The following ELF5 variants were observed in gnomAD, a reference collection of about 807,000 sequenced individuals.
The protein encoded by ELF5 is E74 like ETS transcription factor 5, also known as ETS-related transcription factor Elf-5.
Under a neutral mutation model 38.2 loss-of-function variants are expected in ELF5, and 31 were observed. The observed-to-expected ratio is 0.81, with a 90% CI of 0.61 to 1.10. The LOEUF (loss-of-function observed/expected upper bound fraction) is 1.10. Among genes scored for constraint, ELF5 ranks in the 50% least tolerant of loss-of-function variants. The pLI is 0.00. For synonymous variants in ELF5, 121 were observed against 112.5 expected, an observed-to-expected ratio of 1.08 and a Z score of -0.48; for missense variants, 300 against 306.6, an observed-to-expected ratio of 0.98 and a Z score of 0.16.
chr11:34,503,493 G>A (rs1398400381), intron 2 of ELF5, among the ~76,000 whole-genome samples: 1 of 150,688 alleles, frequency 6.6e-6, no homozygotes, highest in Non-Finnish European at 1.5e-5. Context: ...CTGTCGCTCA[G>A]GCTGGAGTGC....
At chr11:34,498,307 G>A (rs1381932355) in intron 2 of ELF5, among the ~76,000 whole-genome samples, 1 of 152,092 alleles carries the variant, frequency 6.6e-6, no homozygotes, top group Non-Finnish European at 1.5e-5. Context: ...TACCTCCTGG[G>A]CTTCCCGTGT....
At chr11:34,484,481 A>ATCCTATCCTATCCTATCCTATCCTAT (rs111444312) in intron 4 of ELF5, among the ~76,000 whole-genome samples, 4 of 115,922 alleles carry the variant, frequency 3.5e-5, no homozygotes, top group East Asian at 4.9e-4. Context: ...ACACTATACT[A>ATCCTATCCTATCCTATCCTATCCTAT]ACTATACTAT....
At chr11:34,511,547 T>C in intron 1 of ELF5, 2 of 1,614,130 alleles carry the variant, frequency 1.2e-6, no homozygotes, top group Non-Finnish European at 1.7e-6. Context: ...CAGGTACCTG[T>C]GGGAGTGAGG....
intron 2 of ELF5, 49 bp downstream of exon 2, chr11:34,505,580 C>T (rs1472617573): frequency 1.9e-6 from 3 of 1,609,616 alleles, no homozygotes; most frequent in Non-Finnish European, 1.7e-6. Flanking sequence ...CACCTCCTGC[C>T]CTAGCCCATC....
chr11:34,511,638 T>G, intron 1 of ELF5: 2 of 1,601,150 alleles, frequency 1.2e-6, no homozygotes, highest in Non-Finnish European at 1.7e-6. Flanking sequence ...ACACACCAAA[T>G]GCACACAGAG....
intron 2 of ELF5, among the ~76,000 whole-genome samples, chr11:34,502,633 G>A (rs574493336): frequency 6.6e-6 from 1 of 152,372 alleles, no homozygotes; most frequent in South Asian, 2.1e-4. Context: ...ACCTTTTGGA[G>A]GTCAGTGATA....
intron 1 of ELF5, chr11:34,511,888 C>A: frequency 2.7e-6 from 1 of 376,682 alleles, no homozygotes; most frequent in Non-Finnish European, 4.9e-6. Flanking sequence ...AAAATTGGCC[C>A]AATTAAGCAT....
Position 34,501,466 on chromosome 11 carries a change from T to C in ELF5, c.121+4163A>G, listed in dbSNP as rs1012695456. On this transcript the variant is annotated intron_variant, in intron 2 of 6. Coordinates refer to ENST00000257832, the MANE Select transcript of ELF5 (RefSeq NM_001422.4). ...TAAGGAAAGAATTCCAGAAAGAAAG[T>C]AGTGGCAAGGCCAGGGTACTCAATG... is the stretch of plus-strand genomic sequence containing the variant. Among the ~76,000 whole-genome samples the C allele has an allele frequency of 3.9e-5, 6 of 152,100 alleles. No homozygotes were observed. The South Asian group carries it at 1.2e-3, about 32-fold the overall frequency.
intron 4 of ELF5, among the ~76,000 whole-genome samples, chr11:34,488,134 C>T (rs1407273776): frequency 6.6e-6 from 1 of 152,096 alleles, no homozygotes; most frequent in East Asian, 1.9e-4. Context: ...TGATCTTTCC[C>T]TTTATAATAT....
chr11:34,499,318 C>T lies in ELF5; in HGVS notation c.122-5606G>A, dbSNP rs1227183160. On this transcript the variant is annotated intron_variant, in intron 2 of 6. Transcript: ENST00000257832. ...GTGCAGTTGCTCGAACATGGCTCAC[C>T]GCAGGCTCACCCTCCTGGGCTCAAG... Among the ~76,000 whole-genome samples the T allele has an allele frequency of 5.9e-5, 9 of 152,060 alleles. No individual in the cohort carries two copies. The East Asian group carries it at 7.7e-4, about 13-fold the overall frequency.
chr11:34,487,363 A>G (rs1377228707), intron 4 of ELF5, among the ~76,000 whole-genome samples: 3 of 152,120 alleles, frequency 2.0e-5, no homozygotes, highest in African/African-American at 7.2e-5. Flanking sequence ...CATGCTCCAG[A>G]GATGCTAGCC....
intron 1 of ELF5, among the ~76,000 whole-genome samples, chr11:34,510,117 T>C (rs555964373): frequency 1.3e-4 from 20 of 152,334 alleles, no homozygotes; most frequent in African/African-American, 4.8e-4. Context: ...TATACCGGCC[T>C]ACTCACTTGA....
At position 34,479,231 on chromosome 11, in the gene ELF5, A is replaced by G. The variant is rs1856868327; in HGVS notation, c.*987T>C. 1 of 152,644 alleles carries G rather than the reference A, an allele frequency of 6.6e-6. No individual in the cohort carries two copies. The highest frequency in any genetic ancestry group is 2.4e-5 in the African/African-American group (1 of 41,466). 9.5% of individuals were successfully genotyped at this position (152,644 alleles called of 1,614,324 possible). On this transcript the variant is annotated 3_prime_UTR_variant, in exon 7 of 7. Coordinates refer to ENST00000257832, the MANE Select transcript of ELF5 (RefSeq NM_001422.4). ...GTTGTTAGGACATTTCCGGTTTTAT[A>G]AACGTTTAACATCTGGACCTGAGAT...
chr11:34,508,976 CA>C (rs1850682446), intron 1 of ELF5, among the ~76,000 whole-genome samples: 2 of 152,288 alleles, frequency 1.3e-5, no homozygotes, highest in South Asian at 4.1e-4. Context: ...ATTCTGAAAC[CA>C]AAGGTCAATT....
At chr11:34,486,216 A>G (rs140550754) in intron 4 of ELF5, among the ~76,000 whole-genome samples, 57 of 152,214 alleles carry the variant, frequency 3.7e-4, no homozygotes, top group African/African-American at 1.3e-3. Context: ...AGAAGCTCTG[A>G]GGCTCAGGAG....
At chr11:34,495,585 G>T (rs1269215008) in intron 2 of ELF5, among the ~76,000 whole-genome samples, 1 of 152,226 alleles carries the variant, frequency 6.6e-6, no homozygotes, top group Non-Finnish European at 1.5e-5. Context: ...TTTTACCACC[G>T]AAGGGTGGGT....
intron 2 of ELF5, among the ~76,000 whole-genome samples, chr11:34,497,188 A>C (rs942296177): frequency 3.9e-5 from 6 of 152,214 alleles, no homozygotes; most frequent in Admixed American, 6.5e-5. Flanking sequence ...ATATACCCGC[A>C]GAATATATTA....
chr11:34,496,250 G>A (rs2133889012), intron 2 of ELF5, among the ~76,000 whole-genome samples: 1 of 152,332 alleles, frequency 6.6e-6, no homozygotes, highest in East Asian at 1.9e-4. Context: ...CTCACCCACA[G>A]AGCGGCTTTG....
intron 2 of ELF5, among the ~76,000 whole-genome samples, chr11:34,501,129 A>T (rs1273138835): frequency 6.6e-6 from 1 of 152,210 alleles, no homozygotes; most frequent in African/African-American, 2.4e-5. Flanking sequence ...GGAGTGGGTT[A>T]TCTGGGTGTA....
Sources: allele counts gnomAD v4.1 joint callset (sites outside exome capture counted in the v4.1 genomes callset), GRCh38; gene constraint gnomAD v4.1.1; transcripts MANE v1.5; gene names NCBI Gene and HGNC (gene_info 2026-07-23, HGNC 2026-07-21).